Variants in PLAG1 observed in about 807,000 individuals in gnomAD.
PLAG1 encodes zinc finger protein PLAG1.
Under a neutral mutation model 35.5 loss-of-function variants are expected in PLAG1, and 7 were observed. That is an observed-to-expected ratio of 0.20 (90% CI 0.11 to 0.37). The LOEUF (loss-of-function observed/expected upper bound fraction) is 0.37, where lower values mean the gene tolerates loss of function less well. Ranked by LOEUF, PLAG1 falls within the 10% of genes least tolerant of loss-of-function variation. PLAG1 has a pLI of 1.00. For synonymous variants in PLAG1, 229 were observed against 225.4 expected, an observed-to-expected ratio of 1.02 and a Z score of -0.14; for missense variants, 454 against 602.8, an observed-to-expected ratio of 0.75 and a Z score of 2.58.
At chr8:56,168,893 G>GAGAC (rs1811434338) in intron 3 of PLAG1, among the ~76,000 whole-genome samples, 1 of 152,188 alleles carries the variant, frequency 6.6e-6, no homozygotes, top group Non-Finnish European at 1.5e-5. Context: ...GTCTGTGGAA[G>GAGAC]AGGTACTTCA....
intron 1 of PLAG1, among the ~76,000 whole-genome samples, chr8:56,203,193 A>T (rs7835611): frequency 0.064 from 9,692 of 152,182 alleles, 1,024 homozygotes; most frequent in African/African-American, 0.22. Context: ...TTATATGTGT[A>T]TTTTGTACTT....
intron 1 of PLAG1, among the ~76,000 whole-genome samples, chr8:56,202,418 A>C (rs981343750): frequency 1.3e-5 from 2 of 152,272 alleles, no homozygotes; most frequent in African/African-American, 4.8e-5. Context: ...AAACACATGC[A>C]AACAGCAAGA....
At chr8:56,183,080 A>G (rs1453720096) in intron 1 of PLAG1, among the ~76,000 whole-genome samples, 1 of 152,188 alleles carries the variant, frequency 6.6e-6, no homozygotes, top group Non-Finnish European at 1.5e-5. Flanking sequence ...CTTTAAGAGA[A>G]GCACAGGAGT....
intron 1 of PLAG1, among the ~76,000 whole-genome samples, chr8:56,182,711 C>T (rs893886004): frequency 2.6e-5 from 4 of 152,034 alleles, no homozygotes; most frequent in Non-Finnish European, 5.9e-5. Context: ...CTAGGAGCTT[C>T]GCACCTAAAG....
chr8:56,184,593 G>A (rs1811965763), intron 1 of PLAG1, among the ~76,000 whole-genome samples: 1 of 152,128 alleles, frequency 6.6e-6, no homozygotes, highest in African/African-American at 2.4e-5. Flanking sequence ...GTCTATCCTT[G>A]TGTGAATGGA....
In PLAG1 at chr8:56,162,144, C is replaced by T. The variant is rs1394710736; in HGVS notation, c.*4099G>A. On this transcript the variant is annotated 3_prime_UTR_variant, in exon 5 of 5. Transcript: ENST00000316981. Reference sequence around the variant, plus strand: ...ACAACAGACTTATCTGTGTTGTAGACATGGCTGCTGACACAGTGTGAGAAA... The same window carrying T: ...ACAACAGACTTATCTGTGTTGTAGATATGGCTGCTGACACAGTGTGAGAAA... The T allele has an allele frequency of 4.4e-6, 1 of 227,852 alleles. No homozygotes were observed. The highest frequency in any genetic ancestry group is 2.2e-5 in the African/African-American group (1 of 45,042). 14.1% of individuals were successfully genotyped at this position (227,852 alleles called of 1,614,324 possible).
chr8:56,202,094 A>G (rs1055335570), intron 1 of PLAG1, among the ~76,000 whole-genome samples: 5 of 152,084 alleles, frequency 3.3e-5, no homozygotes, highest in Non-Finnish European at 1.5e-5. Context: ...AGCTAGATTT[A>G]AAATACTAGT....
At chr8:56,202,824 C>T (rs1812591701) in intron 1 of PLAG1, among the ~76,000 whole-genome samples, 1 of 152,052 alleles carries the variant, frequency 6.6e-6, no homozygotes, top group African/African-American at 2.4e-5. Flanking sequence ...AAAGCAGTTA[C>T]AGAAGTAAAG....
At chr8:56,196,955 T>TGA (rs1812391342) in intron 1 of PLAG1, among the ~76,000 whole-genome samples, 1 of 109,238 alleles carries the variant, frequency 9.2e-6, no homozygotes, top group Admixed American at 1.1e-4. Context: ...AGTGTGCGTG[T>TGA]GTGTGTGTGT....
At chr8:56,210,627 C>T (rs1020960499) in intron 1 of PLAG1, among the ~76,000 whole-genome samples, 1 of 152,140 alleles carries the variant, frequency 6.6e-6, no homozygotes, top group African/African-American at 2.4e-5. Flanking sequence ...AGCGACCTTC[C>T]CCCGGGATGT....
In PLAG1 at chr8:56,166,846, G is replaced by T. The variant is rs1811372274; in HGVS notation, c.900C>A (p.Ser300Arg). The change falls in exon 5 of 5, where the codon AGC becomes AGA. Residue 300 changes from serine (S) to arginine (R), a missense_variant. Coordinates refer to ENST00000316981, the MANE Select transcript of PLAG1 (RefSeq NM_002655.3). ...TGATCATTTGGTGGGCAGATCCCGA[G>T]CTCTGCATGGACTGAAATGGAGTGT... Reference protein sequence around the residue: ...LYNTPFQSMQSSGSAHQMITT... With the variant: ...LYNTPFQSMQRSGSAHQMITT... 1 of 1,613,992 alleles carries T rather than the reference G, an allele frequency of 6.2e-7. No homozygotes were observed. Among genetic ancestry groups the T allele is most frequent in the Non-Finnish European group, 8.5e-7 (1 of 1,179,992 alleles).
chr8:56,200,860 C>T (rs1009036704), intron 1 of PLAG1, among the ~76,000 whole-genome samples: 2 of 152,186 alleles, frequency 1.3e-5, no homozygotes, highest in Non-Finnish European at 2.9e-5. Context: ...TTTTAAAAAA[C>T]AATGCTCTGG....
intron 1 of PLAG1, among the ~76,000 whole-genome samples, chr8:56,196,698 T>C (rs1812378000): frequency 6.6e-6 from 1 of 152,126 alleles, no homozygotes; most frequent in Non-Finnish European, 1.5e-5. Context: ...CTCCTGTCAC[T>C]GCCCTTGGTG....
chr8:56,183,954 C>T (rs1213630993), intron 1 of PLAG1, among the ~76,000 whole-genome samples: 3 of 152,134 alleles, frequency 2.0e-5, no homozygotes, highest in Non-Finnish European at 4.4e-5. Flanking sequence ...AAAAGCACAA[C>T]CCATAAAATA....
chr8:56,169,614 C>T (rs1022878593), intron 3 of PLAG1, among the ~76,000 whole-genome samples: 1 of 152,184 alleles, frequency 6.6e-6, no homozygotes, highest in African/African-American at 2.4e-5. Context: ...TCATGGCTCA[C>T]TGCAGCCTTG....
intron 1 of PLAG1, among the ~76,000 whole-genome samples, chr8:56,207,065 C>CT (rs912913757): frequency 2.4e-4 from 37 of 151,892 alleles, no homozygotes; most frequent in African/African-American, 8.4e-4. Context: ...TTCAGTAAAA[C>CT]TTTTTTTTCC....
intron 2 of PLAG1, among the ~76,000 whole-genome samples, chr8:56,175,215 T>C (rs1290589271): frequency 6.6e-6 from 1 of 152,178 alleles, no homozygotes; most frequent in Non-Finnish European, 1.5e-5. Flanking sequence ...AAACAAGCAT[T>C]CTCTAATCTT....
chr8:56,209,932 T>A (rs1812808387), intron 1 of PLAG1, among the ~76,000 whole-genome samples: 2 of 152,120 alleles, frequency 1.3e-5, no homozygotes, highest in African/African-American at 4.8e-5. Context: ...CATCACTTTT[T>A]TTTCCACCCA....
chr8:56,185,731 T>A (rs1212715834), intron 1 of PLAG1, among the ~76,000 whole-genome samples: 1 of 152,168 alleles, frequency 6.6e-6, no homozygotes. Context: ...TCACACTACA[T>A]GATTTAAAGT....
Sources: gnomAD v4.1 joint callset for allele counts (sites outside exome capture counted in the v4.1 genomes callset) on GRCh38, gnomAD v4.1.1 for gene constraint, MANE v1.5 for transcripts, NCBI Gene and HGNC (gene_info 2026-07-23, HGNC 2026-07-21) for gene names.